The following ARHGAP31 variants were observed in gnomAD, a reference collection of about 807,000 sequenced individuals.
ARHGAP31 encodes the protein Rho GTPase activating protein 31.
In ARHGAP31, 34 loss-of-function variants were observed where a neutral mutation model predicts 113.9. The ratio of observed to expected loss-of-function variants is 0.30; its 90% confidence interval spans 0.23 to 0.40. The LOEUF is 0.40. Ranked by LOEUF, ARHGAP31 falls within the 10% of genes least tolerant of loss-of-function variation. ARHGAP31 has a pLI of 1.00. For missense variants in ARHGAP31, 1,548 were observed against 1,767.1 expected, an observed-to-expected ratio of 0.88 and a Z score of 2.22; for synonymous variants, 650 against 684.8, an observed-to-expected ratio of 0.95 and a Z score of 0.79.
rs561153198 is a variant in ARHGAP31 at position 119,398,536 on chromosome 3, G to A, written c.1007-663G>A. 3.7e-4 allele frequency among the ~76,000 whole-genome samples: 57 copies of A among 152,272 alleles called. No individual in the cohort carries two copies. The South Asian group carries it at 0.011, about 30-fold the overall frequency. On this transcript the variant is annotated intron_variant, in intron 8 of 11. Transcript: ENST00000264245. ...ATGCATCTATGTAATGCTATGCCTG[G>A]AATAAATTTTTACTCATTTAAACCA... is the stretch of plus-strand genomic sequence containing the variant.
chr3:119,372,573 G>A lies in ARHGAP31; in HGVS notation c.348+4057G>A, dbSNP rs367903041. Among the ~76,000 whole-genome samples, 19 of 151,990 alleles carry A rather than the reference G, an allele frequency of 1.3e-4. 1 individual carries two copies. The East Asian group carries it at 1.3e-3, about 11-fold the overall frequency. ...GCTGGGATTACAGGCGTGAACCACC[G>A]CACCCGGCCTATTTTTGACTTTTTA... On this transcript the variant is annotated intron_variant, in intron 3 of 11. Transcript: ENST00000264245.
At chr3:119,334,971 A>C (rs1488655031) in intron 1 of ARHGAP31, among the ~76,000 whole-genome samples, 2 of 152,230 alleles carry the variant, frequency 1.3e-5, no homozygotes, top group Non-Finnish European at 2.9e-5. Flanking sequence ...ATAGAAATGA[A>C]ACCCTTCAGT....
chr3:119,390,927 G>A lies in ARHGAP31; in HGVS notation c.825G>A (p.Glu275=), dbSNP rs1287301548. The A allele has an allele frequency of 1.2e-5, 19 of 1,614,100 alleles. No homozygotes were observed. Among genetic ancestry groups the A allele is most frequent in the Non-Finnish European group, 1.5e-5 (18 of 1,180,046 alleles). The change falls in exon 7 of 12, where the codon GAG becomes GAA. Residue 275 remains glutamate, a synonymous_variant. Transcript: ENST00000264245. ...AAAGGAGGGAGAACAGCCTGCCTGA[G>A]ATTGTCCCTCCCATGGGCACCCTCT... is the stretch of plus-strand genomic sequence containing the variant. ...RKERRENSLP[E]IVPPMGTLFH...
In ARHGAP31 at chr3:119,401,910, C is replaced by T; in HGVS notation, c.1158C>T (p.Gly386=). ...CAAAGATGCACTCCACCGGCACCGG[C>T]AGCTCATGTGACCTCACCAAGCAGG... ...PATKMHSTGT[G]SSCDLTKQEG... Residue 386 remains glycine, a synonymous_variant, in exon 10 of 12, where the codon GGC becomes GGT. Transcript: ENST00000264245. 1 of 1,614,140 alleles carries T rather than the reference C, an allele frequency of 6.2e-7. No individual in the cohort carries two copies. Among genetic ancestry groups the T allele is most frequent in the Non-Finnish European group, 8.5e-7 (1 of 1,180,020 alleles).
rs1193504359 is a variant in ARHGAP31, at chr3:119,380,977, C to G, written c.422C>G (p.Ser141Cys). 6.2e-7 allele frequency: 1 copy of G among 1,613,882 alleles called. No homozygotes were observed. The highest frequency in any genetic ancestry group is 1.3e-5 in the African/African-American group (1 of 74,922). The change falls in exon 4 of 12, where the codon TCC becomes TGC. Residue 141 changes from serine to cysteine, a missense_variant. Transcript: ENST00000264245. ...AATGTTATCCAGGAGCTTCCTCCAT[C>G]CCACTATAGGTAAGAATGGTTGGGA... ...IQNVIQELPP[S>C]HYRTLEYLIR... is the part of the protein sequence containing the mutation.
rs1215169996 is a variant in ARHGAP31, at chr3:119,415,602, G to A, written c.3673G>A (p.Gly1225Arg). 1.2e-6 allele frequency: 2 copies of A among 1,614,160 alleles called. No individual in the cohort carries two copies. The highest frequency in any genetic ancestry group is 1.7e-6 in the Non-Finnish European group (2 of 1,180,036). Residue 1225 changes from glycine (G) to arginine (R), a missense_variant, in exon 12 of 12, where the codon GGG becomes AGG. By Grantham distance (125) the Gly-to-Arg change is moderately radical. Transcript: ENST00000264245. ...PLPSQSSGEN[G>R]VQPLERSQEG... ...GCCCTCTCAGAGCTCAGGGGAGAATGGGGTTCAGCCTCTGGAGAGGAGCCA... is the reference window on the plus strand; with the variant it reads ...GCCCTCTCAGAGCTCAGGGGAGAATAGGGTTCAGCCTCTGGAGAGGAGCCA...
intron 9 of ARHGAP31, 32 bp from the exon 10 acceptor site, chr3:119,401,790 C>T (rs767735471): frequency 6.2e-7 from 1 of 1,606,156 alleles, no homozygotes; most frequent in Non-Finnish European, 8.5e-7. Flanking sequence ...TGTGCCCCGG[C>T]TGCTGACCAT....
chr3:119,416,371 G>A lies in ARHGAP31; in HGVS notation c.*107G>A, dbSNP rs1215350507. On this transcript the variant is annotated 3_prime_UTR_variant, in exon 12 of 12. Coordinates refer to ENST00000264245, the MANE Select transcript of ARHGAP31 (RefSeq NM_020754.4). ...ACACGTTATCAAGTTTGGGCCTATT[G>A]TGGCCTCTGACTTCTCTTTCTTCAG... The A allele has an allele frequency of 5.3e-6, 8 of 1,515,054 alleles. No homozygotes were observed. Among genetic ancestry groups the A allele is most frequent in the Non-Finnish European group, 7.2e-6 (8 of 1,110,032 alleles). The allele number at this position is 1,515,054 out of a possible 1,614,324, so 93.9% of individuals were successfully genotyped here.
chr3:119,300,818 C>T lies in ARHGAP31; in HGVS notation c.100+5814C>T, dbSNP rs1408024473. Reference sequence around the variant, plus strand: ...CTCCAGCCTGGGCGACAGAGCCAGACTGACTCCATCTCAAAAAAAAAAAAA... The same window carrying T: ...CTCCAGCCTGGGCGACAGAGCCAGATTGACTCCATCTCAAAAAAAAAAAAA... On this transcript the variant is annotated intron_variant, in intron 1 of 11. Transcript: ENST00000264245. Among the ~76,000 whole-genome samples, 5 of 142,114 alleles carry T rather than the reference C, an allele frequency of 3.5e-5. No individual in the cohort carries two copies. In the Admixed American group the frequency reaches 3.6e-4, roughly 10 times the overall value. The allele number at this position is 142,114 out of a possible 152,430, so 93.2% of individuals were successfully genotyped here.
intron 3 of ARHGAP31, among the ~76,000 whole-genome samples, chr3:119,372,227 G>A (rs1295643426): frequency 1.3e-5 from 2 of 150,268 alleles, no homozygotes; most frequent in Admixed American, 6.6e-5. Flanking sequence ...TCCCAACAGT[G>A]TATGTATAAG....
At chr3:119,384,427 G>T (rs2080430932) in intron 6 of ARHGAP31, among the ~76,000 whole-genome samples, 1 of 152,176 alleles carries the variant, frequency 6.6e-6, no homozygotes, top group African/African-American at 2.4e-5. Flanking sequence ...TGCTATAACA[G>T]AATACCGTAG....
chr3:119,337,661 C>T (rs914762419), intron 1 of ARHGAP31, among the ~76,000 whole-genome samples: 1 of 152,120 alleles, frequency 6.6e-6, no homozygotes, highest in Non-Finnish European at 1.5e-5. Flanking sequence ...CTGATTGGTC[C>T]GTTTTTACTG....
intron 10 of ARHGAP31, among the ~76,000 whole-genome samples, chr3:119,405,757 G>T (rs934890497): frequency 6.6e-6 from 1 of 152,176 alleles, no homozygotes; most frequent in African/African-American, 2.4e-5. Context: ...ACGTGACAAT[G>T]CCCTTCCCTT....
chr3:119,354,507 GTTT>G (rs1247379389), intron 1 of ARHGAP31, among the ~76,000 whole-genome samples: 1 of 129,804 alleles, frequency 7.7e-6, no homozygotes, highest in Non-Finnish European at 1.7e-5. Flanking sequence ...TGTGTGTGTG[GTTT>G]TTATGTGTGT....
intron 1 of ARHGAP31, among the ~76,000 whole-genome samples, chr3:119,305,662 T>TG (rs2079625813): frequency 6.6e-6 from 1 of 152,244 alleles, no homozygotes; most frequent in South Asian, 2.1e-4. Context: ...ACATGCTTTT[T>TG]GGGGCCTATA....
chr3:119,313,716 G>C (rs2079704480), intron 1 of ARHGAP31, among the ~76,000 whole-genome samples: 1 of 152,146 alleles, frequency 6.6e-6, no homozygotes, highest in Non-Finnish European at 1.5e-5. Flanking sequence ...CATGCATCTT[G>C]GTCACAGTGG....
rs369993733 is a variant in ARHGAP31 at position 119,383,071 on chromosome 3, T to C, written c.540-13T>C. ...CAAACTCACTAACTGAATATGTTTCTTCCACACGGTAGGTCTAAAGAAATT... is the reference window on the plus strand; with the variant it reads ...CAAACTCACTAACTGAATATGTTTCCTCCACACGGTAGGTCTAAAGAAATT... On this transcript the variant is annotated splice_polypyrimidine_tract_variant and intron_variant, in intron 5 of 11. Transcript: ENST00000264245. 3.6e-5 allele frequency: 58 copies of C among 1,613,904 alleles called. No individual in the cohort carries two copies. Among genetic ancestry groups the C allele is most frequent in the Non-Finnish European group, 5.1e-6 (6 of 1,180,024 alleles).
At chr3:119,337,499 C>T (rs559622717) in intron 1 of ARHGAP31, among the ~76,000 whole-genome samples, 84 of 152,338 alleles carry the variant, frequency 5.5e-4, no homozygotes, top group African/African-American at 1.9e-3. Context: ...TTCCACAATA[C>T]TGACGGGACC....
At chr3:119,402,690 G>C (rs1193551814) in intron 10 of ARHGAP31, among the ~76,000 whole-genome samples, 2 of 152,146 alleles carry the variant, frequency 1.3e-5, no homozygotes, top group African/African-American at 4.8e-5. Flanking sequence ...TCTCAGAACA[G>C]TGTCTACATA....
Sources: allele counts gnomAD v4.1 joint callset (sites outside exome capture counted in the v4.1 genomes callset), GRCh38; gene constraint gnomAD v4.1.1; transcripts MANE v1.5; gene names NCBI Gene and HGNC (gene_info 2026-07-23, HGNC 2026-07-21).